CBLB: variants seen among roughly 807,000 people sequenced by gnomAD.
CBLB encodes Cbl proto-oncogene B.
CBLB carries 31 observed loss-of-function variants against 104.9 expected under a neutral mutation model. The ratio of observed to expected loss-of-function variants is 0.30; its 90% confidence interval spans 0.22 to 0.40. The LOEUF (loss-of-function observed/expected upper bound fraction) is 0.40. Among genes scored for constraint, CBLB ranks in the 10% least tolerant of loss-of-function variants. The pLI, the probability that CBLB is intolerant of heterozygous loss-of-function variation, is 1.00. For synonymous variants in CBLB, 440 were observed against 422.6 expected (o/e 1.04, Z -0.51); for missense variants, 1,062 against 1,214.6 (o/e 0.87, Z 1.87).
chr3:105,711,859 T>C (rs902571773), intron 10 of CBLB, among the ~76,000 whole-genome samples: 1 of 152,116 alleles, frequency 6.6e-6, no homozygotes, highest in African/African-American at 2.4e-5. Context: ...CTGTCTATGT[T>C]CCACTAGTAA....
intron 18 of CBLB, among the ~76,000 whole-genome samples, chr3:105,669,377 G>A (rs1477733331): frequency 2.6e-5 from 4 of 152,298 alleles, no homozygotes; most frequent in African/African-American, 9.6e-5. Context: ...AGTTATCTAT[G>A]AACCTGGAAG....
At chr3:105,740,231 A>T (rs1292321790) in intron 7 of CBLB, among the ~76,000 whole-genome samples, 1 of 152,238 alleles carries the variant, frequency 6.6e-6, no homozygotes, top group Non-Finnish European at 1.5e-5. Flanking sequence ...ACTACCTTTA[A>T]GTCCCAAGTT....
At chr3:105,832,791 G>A (rs2087767786) in intron 3 of CBLB, among the ~76,000 whole-genome samples, 1 of 152,174 alleles carries the variant, frequency 6.6e-6, no homozygotes, top group South Asian at 2.1e-4. Context: ...TCTGTATTGA[G>A]TACCTACACC....
At chr3:105,690,384 T>C (rs1211163662) in intron 13 of CBLB, among the ~76,000 whole-genome samples, 1 of 152,176 alleles carries the variant, frequency 6.6e-6, no homozygotes, top group East Asian at 1.9e-4. Context: ...ACTGTTATTG[T>C]CAGGTTTGCC....
intron 14 of CBLB, chr3:105,682,130 G>A: frequency 1.1e-5 from 3 of 264,896 alleles, no homozygotes; most frequent in Non-Finnish European, 2.1e-5. Flanking sequence ...AATAGAACCT[G>A]GTCAAGTTTT....
intron 1 of CBLB, 77 bp from the exon 2 acceptor site, chr3:105,867,668 C>A (rs540981911): frequency 4.9e-6 from 6 of 1,214,454 alleles, no homozygotes; most frequent in African/African-American, 4.5e-5. Flanking sequence ...TAGAGACTAA[C>A]TTGTACCACT....
chr3:105,722,268 C>G (rs566585627), intron 9 of CBLB, among the ~76,000 whole-genome samples: 3 of 151,312 alleles, frequency 2.0e-5, no homozygotes, highest in Non-Finnish European at 4.4e-5. Flanking sequence ...GATGGTCCCT[C>G]TGTCTTTAAC....
chr3:105,710,039 C>T (rs2070827888), intron 10 of CBLB, among the ~76,000 whole-genome samples: 2 of 151,854 alleles, frequency 1.3e-5, no homozygotes, highest in Admixed American at 1.3e-4. Context: ...GGGTCACTAG[C>T]TTTTTACATT....
chr3:105,811,128 C>G (rs1042177762), intron 3 of CBLB, among the ~76,000 whole-genome samples: 3 of 152,036 alleles, frequency 2.0e-5, no homozygotes, highest in African/African-American at 7.2e-5. Context: ...AGGCCTTTCC[C>G]TGAATAGTAG....
intron 3 of CBLB, among the ~76,000 whole-genome samples, chr3:105,784,222 T>C (rs2080678332): frequency 6.6e-6 from 1 of 152,202 alleles, no homozygotes; most frequent in Non-Finnish European, 1.5e-5. Context: ...CTTTAAAATG[T>C]AGACCACTCC....
At chr3:105,703,958 T>C in intron 11 of CBLB, 30 bp downstream of exon 11, 1 of 1,595,260 alleles carries the variant, frequency 6.3e-7, no homozygotes, top group Non-Finnish European at 8.6e-7. Context: ...TACAAAATTT[T>C]CATCTGTGTT....
At chr3:105,674,177 G>A (rs998210485) in intron 17 of CBLB, among the ~76,000 whole-genome samples, 3 of 152,166 alleles carry the variant, frequency 2.0e-5, no homozygotes, top group African/African-American at 7.2e-5. Flanking sequence ...TGAACACAGT[G>A]GTCTCCACAA....
chr3:105,755,540 C>T (rs1193531812), intron 4 of CBLB, among the ~76,000 whole-genome samples: 1 of 150,178 alleles, frequency 6.7e-6, no homozygotes, highest in Non-Finnish European at 1.5e-5. Flanking sequence ...CATGAAACCA[C>T]TAGTTCATAA....
chr3:105,812,961 C>T (rs2084504574), intron 3 of CBLB, among the ~76,000 whole-genome samples: 1 of 152,034 alleles, frequency 6.6e-6, no homozygotes, highest in Non-Finnish European at 1.5e-5. Context: ...ATCCTCAGCC[C>T]TATTTATGTC....
chr3:105,789,070 C>G (rs887907443), intron 3 of CBLB, among the ~76,000 whole-genome samples: 2 of 152,140 alleles, frequency 1.3e-5, no homozygotes, highest in African/African-American at 4.8e-5. Context: ...CCCACAAAAC[C>G]ATGACAAATA....
chr3:105,835,213 T>C (rs561676997), intron 3 of CBLB, among the ~76,000 whole-genome samples: 5 of 152,326 alleles, frequency 3.3e-5, no homozygotes, highest in East Asian at 3.9e-4. Flanking sequence ...TATTTTCCTA[T>C]ATCATGAATA....
chr3:105,745,797 C>T, intron 6 of CBLB, 120 bp downstream of exon 6: 2 of 902,366 alleles, frequency 2.2e-6, no homozygotes, highest in Admixed American at 1.9e-5. Flanking sequence ...GGTCTTTTAC[C>T]TTTTCTAGCC....
At chr3:105,855,616 G>A (rs1430730731) in intron 2 of CBLB, among the ~76,000 whole-genome samples, 2 of 152,114 alleles carry the variant, frequency 1.3e-5, no homozygotes, top group East Asian at 3.8e-4. Context: ...CCTACCATGG[G>A]AACAGTGAAA....
intron 10 of CBLB, among the ~76,000 whole-genome samples, chr3:105,704,846 T>A (rs1282811918): frequency 2.0e-5 from 3 of 152,206 alleles, no homozygotes; most frequent in African/African-American, 7.2e-5. Flanking sequence ...GTCTGGTAGA[T>A]AAAGTAGCAT....
Sources: allele counts gnomAD v4.1 joint callset (sites outside exome capture counted in the v4.1 genomes callset), GRCh38; gene constraint gnomAD v4.1.1; transcripts MANE v1.5; gene names NCBI Gene and HGNC (gene_info 2026-07-23, HGNC 2026-07-21).